Variants in NAF1 observed in about 807,000 individuals in gnomAD.
NAF1 encodes the protein nuclear assembly factor 1 ribonucleoprotein, also known as H/ACA ribonucleoprotein complex non-core subunit NAF1.
Under a neutral mutation model 40.6 loss-of-function variants are expected in NAF1, and 11 were observed. That is an observed-to-expected ratio of 0.27 (90% confidence interval 0.17 to 0.45). NAF1 has a LOEUF of 0.45. Among genes scored for constraint, NAF1 ranks in the 20% least tolerant of loss-of-function variants. NAF1 has a pLI of 1.00. For missense variants in NAF1, 607 were observed against 611.1 expected, an observed-to-expected ratio of 0.99 and a Z score of 0.07; for synonymous variants, 260 against 228.5, an observed-to-expected ratio of 1.14 and a Z score of -1.24.
Position 163,166,513 on chromosome 4 carries a change from T to C in NAF1, c.215A>G (p.Asn72Ser). 1 of 1,598,348 alleles carries C rather than the reference T, an allele frequency of 6.3e-7. No individual in the cohort carries two copies. Among genetic ancestry groups the C allele is most frequent in the Non-Finnish European group, 8.5e-7 (1 of 1,172,610 alleles). ...CGCCGGGGTCCCGGCCGCGACGGCG[T>C]TCAGAACGGGCTGCAGAGGCTGCTC... ...AGEQPLQPVL[N>S]AVAAGTPAPQ... Residue 72 changes from asparagine to serine, a missense_variant, in exon 1 of 8, where the codon AAC becomes AGC. Physicochemically the swap from Asn to Ser is conservative, Grantham distance 46. Around this residue, in one of 3 missense-constraint regions of NAF1, gnomAD observed 407 missense variants for 365.5 expected, o/e 1.11. Coordinates refer to ENST00000274054, the MANE Select transcript of NAF1 (RefSeq NM_138386.3).
downstream of NAF1, among the ~76,000 whole-genome samples, chr4:163,124,893 T>C (rs1321759120): frequency 6.6e-6 from 1 of 152,232 alleles, no homozygotes; most frequent in African/African-American, 2.4e-5. Flanking sequence ...ACCTAGCAAG[T>C]GTATCAACTC....
At chr4:163,120,273 A>G (rs140026643) in intron 2 of NAF1, among the ~76,000 whole-genome samples, 1 of 152,344 alleles carries the variant, frequency 6.6e-6, no homozygotes, top group African/African-American at 2.4e-5. Flanking sequence ...GGCTACTGAC[A>G]CTGAGAACAT....
chr4:163,154,337 T>C (rs1160338209), intron 2 of NAF1, among the ~76,000 whole-genome samples: 1 of 152,128 alleles, frequency 6.6e-6, no homozygotes, highest in African/African-American at 2.4e-5. Flanking sequence ...GCACATGAAG[T>C]CTCGCCCCAA....
At chr4:163,153,131 G>A (rs1257284203) in intron 2 of NAF1, among the ~76,000 whole-genome samples, 1 of 152,184 alleles carries the variant, frequency 6.6e-6, no homozygotes, top group Non-Finnish European at 1.5e-5. Context: ...GCCTTCCCCC[G>A]CCTCCGTGGG....
At chr4:163,154,026 G>C (rs540455820) in intron 2 of NAF1, among the ~76,000 whole-genome samples, 6 of 151,860 alleles carry the variant, frequency 4.0e-5, no homozygotes, top group Non-Finnish European at 8.8e-5. Context: ...CACTCACCGC[G>C]AAGGTCTGCA....
At chr4:163,163,443 G>A (rs899661064) in intron 2 of NAF1, among the ~76,000 whole-genome samples, 10 of 151,970 alleles carry the variant, frequency 6.6e-5, no homozygotes, top group Non-Finnish European at 1.3e-4. Flanking sequence ...TATGATTAGT[G>A]ACCATTAAAT....
chr4:163,120,376 T>C (rs911839426), intron 2 of NAF1, among the ~76,000 whole-genome samples: 1 of 152,222 alleles, frequency 6.6e-6, no homozygotes, highest in Non-Finnish European at 1.5e-5. Context: ...TTTTATCCCT[T>C]TGCATCTGCT....
intron 1 of NAF1, 86 bp downstream of exon 1, chr4:163,166,277 G>T (rs897667724): frequency 6.8e-7 from 1 of 1,471,164 alleles, no homozygotes; most frequent in Non-Finnish European, 9.0e-7. Context: ...GCCCACACAA[G>T]CAACCTCTAG....
chr4:163,141,879 A>C, intron 4 of NAF1: 2 of 886,930 alleles, frequency 2.3e-6, no homozygotes, highest in Non-Finnish European at 2.7e-6. Flanking sequence ...TTATGATTTC[A>C]GTACAGCACT....
At chr4:163,146,686 C>A (rs1369321090) in intron 3 of NAF1, among the ~76,000 whole-genome samples, 1 of 152,208 alleles carries the variant, frequency 6.6e-6, no homozygotes, top group Admixed American at 6.5e-5. Context: ...GGCACGGTGG[C>A]TCACGCCTGC....
At position 163,133,256 on chromosome 4, in the gene NAF1, CCTTGCAGAGA is replaced by C; in HGVS notation, c.931-10_931-1del. On this transcript the variant is annotated splice_acceptor_variant and splice_polypyrimidine_tract_variant and intron_variant, in intron 6 of 7. Transcript: ENST00000274054. LOFTEE classifies it high-confidence loss of function. ...TTTTCATCATCACTAAAATCTAAGG[CCTTGCAGAGA>C]AAAGTATATAATAGGTTTATGTTAC... 1 of 1,611,354 alleles carries C rather than the reference CCTTGCAGAGA, an allele frequency of 6.2e-7. No individual in the cohort carries two copies. Among genetic ancestry groups the C allele is most frequent in the Non-Finnish European group, 8.5e-7 (1 of 1,178,050 alleles).
intron 2 of NAF1, among the ~76,000 whole-genome samples, chr4:163,161,326 A>G (rs1275951006): frequency 1.3e-5 from 2 of 152,200 alleles, no homozygotes; most frequent in African/African-American, 4.8e-5. Flanking sequence ...TAAAAAAATT[A>G]GCAAGGCGTG....
chr4:163,166,442 C>T lies in NAF1; in HGVS notation c.286G>A (p.Val96Ile), dbSNP rs1270457908. The change falls in exon 1 of 8, where the codon GTC (valine) becomes ATC (isoleucine). Residue 96 changes from valine to isoleucine, a missense_variant. By Grantham distance (29) the Val-to-Ile change is conservative. Coordinates refer to ENST00000274054, the MANE Select transcript of NAF1 (RefSeq NM_138386.3). The part of the protein sequence containing the change: ...PAESPACGDC[V>I]TSPGAAEPAR... Reference sequence around the variant, plus strand: ...GGCTCTGCGGCTCCTGGGGAGGTGACGCAGTCTCCGCAGGCCGGCGATTCA... The same window carrying T: ...GGCTCTGCGGCTCCTGGGGAGGTGATGCAGTCTCCGCAGGCCGGCGATTCA... The T allele has an allele frequency of 6.2e-7, 1 of 1,605,990 alleles. No individual in the cohort carries two copies.
intron 1 of NAF1, among the ~76,000 whole-genome samples, chr4:163,165,397 G>A (rs1732411090): frequency 6.6e-6 from 1 of 152,050 alleles, no homozygotes; most frequent in Non-Finnish European, 1.5e-5. Flanking sequence ...CTTTCAAAAC[G>A]TATCCCCAAA....
chr4:163,107,401 C>CT (rs929647339), downstream of NAF1, among the ~76,000 whole-genome samples: 27 of 152,200 alleles, frequency 1.8e-4, no homozygotes, highest in Non-Finnish European at 4.4e-5. Context: ...CAGCAGGCTC[C>CT]TTCAGCCTGC....
At chr4:163,162,377 C>T (rs1434380649) in intron 2 of NAF1, among the ~76,000 whole-genome samples, 1 of 152,186 alleles carries the variant, frequency 6.6e-6, no homozygotes, top group Non-Finnish European at 1.5e-5. Context: ...CTCTACCTAT[C>T]TCTAGCAGCA....
chr4:163,145,072 G>C (rs1560795516), intron 4 of NAF1, among the ~76,000 whole-genome samples: 1 of 152,028 alleles, frequency 6.6e-6, no homozygotes, highest in Non-Finnish European at 1.5e-5. Context: ...TGTCCCTATT[G>C]CCAGGAAATA....
At chr4:163,163,696 C>T (rs753635338) in intron 2 of NAF1, among the ~76,000 whole-genome samples, 1 of 151,056 alleles carries the variant, frequency 6.6e-6, no homozygotes, top group Non-Finnish European at 1.5e-5. Flanking sequence ...AAGTTTTCTC[C>T]AACTGTAATA....
chr4:163,127,011 T>TA, downstream of NAF1: 1 of 1,551,646 alleles, frequency 6.4e-7, no homozygotes, highest in South Asian at 1.2e-5. Context: ...AAGTAGCATG[T>TA]AAACGTAACT....
Sources: gnomAD v4.1 joint callset for allele counts (sites outside exome capture counted in the v4.1 genomes callset) on GRCh38, gnomAD v4.1.1 for gene constraint, gnomAD v4.1.1 regional missense constraint, MANE v1.5 for transcripts, NCBI Gene and HGNC (gene_info 2026-07-23, HGNC 2026-07-21) for gene names.